AKAP6: variants seen among roughly 807,000 people sequenced by gnomAD.
The protein encoded by AKAP6 is A-kinase anchoring protein 6.
AKAP6 carries 58 observed loss-of-function variants against 188.5 expected under a neutral mutation model. That is an observed-to-expected ratio of 0.31 (90% CI 0.25 to 0.38). The LOEUF (loss-of-function observed/expected upper bound fraction) is 0.38. Ranked by LOEUF, AKAP6 falls within the 10% of genes least tolerant of loss-of-function variation. AKAP6 has a pLI of 1.00. For synonymous variants in AKAP6, 989 were observed against 998.6 expected, an observed-to-expected ratio of 0.99 and a Z score of 0.18; for missense variants, 2,710 against 2,740.0, an observed-to-expected ratio of 0.99 and a Z score of 0.24.
At chr14:32,681,394 T>G (rs1288448903) in intron 8 of AKAP6, among the ~76,000 whole-genome samples, 3 of 152,166 alleles carry the variant, frequency 2.0e-5, no homozygotes, top group African/African-American at 7.2e-5. Context: ...AAAGTGGAGC[T>G]AAGACCTCGA....
chr14:32,454,690 TCCCTCCC>T (rs1891070604), intron 2 of AKAP6, among the ~76,000 whole-genome samples: 1 of 33,248 alleles, frequency 3.0e-5, no homozygotes, highest in African/African-American at 1.1e-4. Context: ...CCTCCTTCCC[TCCCTCCC>T]TCCCTCCCTC....
chr14:32,349,879 A>C (rs1887203372), intron 1 of AKAP6, among the ~76,000 whole-genome samples: 1 of 152,222 alleles, frequency 6.6e-6, no homozygotes, highest in South Asian at 2.1e-4. Flanking sequence ...GAAATGTTCA[A>C]AAAACAAAAG....
At position 32,337,722 on chromosome 14, in the gene AKAP6, C is replaced by A. The variant is rs570884777; in HGVS notation, c.-35+8314C>A. 8.6e-5 allele frequency among the ~76,000 whole-genome samples: 12 copies of A among 138,968 alleles called. No homozygotes were observed. The South Asian group carries it at 2.4e-3, about 28-fold the overall frequency. 91.2% of individuals were successfully genotyped at this position (138,968 alleles called of 152,430 possible). A position where few individuals can be genotyped will look rare whatever the true frequency, so the allele number is the denominator to read the frequency against. The stretch of plus-strand genomic sequence containing the variant: ...TATCTCCTAATGCTATCCTTCCCCC[C>A]TCCCCCCACCCCACAACAGTCCCTG... On this transcript the variant is annotated intron_variant, in intron 1 of 13. Coordinates refer to ENST00000280979, the MANE Select transcript of AKAP6 (RefSeq NM_004274.5).
chr14:32,786,322 TTTTG>T, intron 12 of AKAP6, among the ~76,000 whole-genome samples: 1 of 128,638 alleles, frequency 7.8e-6, no homozygotes. Flanking sequence ...TTTTTTTTTT[TTTTG>T]AGACGGAATC....
intron 2 of AKAP6, among the ~76,000 whole-genome samples, chr14:32,488,647 GGGCCCGGGTGGTGTA>G (rs55751150): frequency 0.66 from 100,093 of 151,692 alleles, 34,613 homozygotes; most frequent in East Asian, 0.86. Context: ...TTGAAACTCA[GGGCCCGGGTGGTGTA>G]GGCACTGGAG....
intron 2 of AKAP6, among the ~76,000 whole-genome samples, chr14:32,497,122 T>G (rs1403350318): frequency 6.6e-6 from 1 of 152,178 alleles, no homozygotes; most frequent in Non-Finnish European, 1.5e-5. Context: ...GTTCATCCTC[T>G]GGATAGCTTG....
chr14:32,749,087 T>C (rs142370491), intron 11 of AKAP6, among the ~76,000 whole-genome samples: 1,606 of 152,286 alleles, frequency 0.011, 18 homozygotes, highest in Non-Finnish European at 0.013. Flanking sequence ...AATTGGCCAA[T>C]TAATAGTATT....
At chr14:32,428,603 T>C (rs2138690072) in intron 1 of AKAP6, among the ~76,000 whole-genome samples, 1 of 152,368 alleles carries the variant, frequency 6.6e-6, no homozygotes, top group South Asian at 2.1e-4. Context: ...TTTTCTGTTC[T>C]TTTATTTAAG....
chr14:32,769,036 G>GAT (rs1387766349), intron 11 of AKAP6, among the ~76,000 whole-genome samples: 392 of 18,506 alleles, frequency 0.021, 9 homozygotes, highest in African/African-American at 0.055. Context: ...CTGCTCTTTT[G>GAT]ATTTTTTTTT....
chr14:32,387,360 G>A (rs1011961127), intron 1 of AKAP6, among the ~76,000 whole-genome samples: 4 of 151,836 alleles, frequency 2.6e-5, no homozygotes, highest in South Asian at 4.1e-4. Context: ...AGGCATTCTT[G>A]TCTTGTTCCA....
At chr14:32,352,548 C>T (rs1566459020) in intron 1 of AKAP6, among the ~76,000 whole-genome samples, 1 of 152,164 alleles carries the variant, frequency 6.6e-6, no homozygotes, top group Non-Finnish European at 1.5e-5. Context: ...ACCAATCTCC[C>T]TCCATCTCTC....
At chr14:32,470,129 A>G (rs574671594) in intron 2 of AKAP6, among the ~76,000 whole-genome samples, 1 of 152,252 alleles carries the variant, frequency 6.6e-6, no homozygotes, top group Admixed American at 6.5e-5. Flanking sequence ...TCATCACTAA[A>G]AAACCCACAA....
chr14:32,828,525 TCTCTCACACACACACACACACACA>T (rs1348805454), intron 13 of AKAP6, among the ~76,000 whole-genome samples: 6 of 96,798 alleles, frequency 6.2e-5, no homozygotes, highest in African/African-American at 1.7e-4. Context: ...TCTCTCTCTC[TCTCTCACACACACACACACACACA>T]CACACACACA....
chr14:32,613,189 A>T (rs1462526940), intron 7 of AKAP6, among the ~76,000 whole-genome samples: 1 of 152,206 alleles, frequency 6.6e-6, no homozygotes, highest in Non-Finnish European at 1.5e-5. Flanking sequence ...CTAGACACAA[A>T]CACAAACACT....
At chr14:32,524,692 A>G (rs986359868) in intron 2 of AKAP6, among the ~76,000 whole-genome samples, 2 of 152,138 alleles carry the variant, frequency 1.3e-5, no homozygotes, top group African/African-American at 4.8e-5. Context: ...TACTGTAGAT[A>G]TATTTGTGTA....
intron 10 of AKAP6, chr14:32,732,824 G>C: frequency 1.6e-6 from 1 of 616,898 alleles, no homozygotes; most frequent in Non-Finnish European, 2.8e-6. Context: ...AATAATTTTG[G>C]TTCTTTAATA....
chr14:32,695,754 C>G (rs370984369), intron 8 of AKAP6, among the ~76,000 whole-genome samples: 4 of 152,224 alleles, frequency 2.6e-5, no homozygotes, highest in African/African-American at 9.6e-5. Flanking sequence ...ATAGCCATAA[C>G]GTGTCTCAGG....
Position 32,791,057 on chromosome 14 carries a change from C to T in AKAP6, c.3588+17164C>T, listed in dbSNP as rs576684475. ...GATTGGTTCCAAGTCTTTGCTATTG[C>T]GAATAGTGCTGCAATAAACATATGT... On this transcript the variant is annotated intron_variant, in intron 12 of 13. Coordinates refer to ENST00000280979, the MANE Select transcript of AKAP6 (RefSeq NM_004274.5). Among the ~76,000 whole-genome samples the T allele has an allele frequency of 1.5e-4, 23 of 152,122 alleles. No individual in the cohort carries two copies. In the East Asian group the frequency reaches 4.3e-3, roughly 28 times the overall value.
intron 7 of AKAP6, among the ~76,000 whole-genome samples, chr14:32,608,802 C>T (rs1170681888): frequency 6.6e-6 from 1 of 152,066 alleles, no homozygotes; most frequent in Non-Finnish European, 1.5e-5. Flanking sequence ...ACATTTTGTA[C>T]CTCAGTCTGA....
Sources: gnomAD v4.1 joint callset for allele counts (sites outside exome capture counted in the v4.1 genomes callset) on GRCh38, gnomAD v4.1.1 for gene constraint, MANE v1.5 for transcripts, NCBI Gene and HGNC (gene_info 2026-07-23, HGNC 2026-07-21) for gene names.